MAP4K4: variants seen among roughly 807,000 people sequenced by gnomAD.
The protein encoded by MAP4K4 is mitogen-activated protein kinase kinase kinase kinase 4.
A neutral mutation model predicts 189.6 loss-of-function variants in MAP4K4; 38 were observed. That is an observed-to-expected ratio of 0.20 (90% confidence interval 0.15 to 0.26). The LOEUF (loss-of-function observed/expected upper bound fraction) is 0.26. Among genes scored for constraint, MAP4K4 ranks in the 10% least tolerant of loss-of-function variants. MAP4K4 has a pLI of 1.00. For synonymous variants in MAP4K4, 610 were observed against 624.3 expected, an observed-to-expected ratio of 0.98 and a Z score of 0.34; for missense variants, 1,054 against 1,726.9, an observed-to-expected ratio of 0.61 and a Z score of 6.91.
At chr2:101,823,900 A>C in intron 3 of MAP4K4, 28 bp from the exon 4 acceptor site, 1 of 1,572,256 alleles carries the variant, frequency 6.4e-7, no homozygotes, top group South Asian at 1.2e-5. Flanking sequence ...TTCAGTAGCC[A>C]CACATTTTAT....
chr2:101,698,389 C>A lies in MAP4K4; in HGVS notation c.58-84C>A, dbSNP rs571925522. 6.3e-6 allele frequency: 8 copies of A among 1,277,812 alleles called. No individual in the cohort carries two copies. In the South Asian group the frequency reaches 7.1e-5, roughly 11 times the overall value. 79.2% of individuals were successfully genotyped at this position (1,277,812 alleles called of 1,614,324 possible). On this transcript the variant is annotated intron_variant, in intron 1 of 32. Transcript: ENST00000324219. ...GCGAAGCCCACCTCTTTTGTCACCG[C>A]CTTTTCTCTCCAACTGCCTTGCTTG... is the stretch of plus-strand genomic sequence containing the variant.
At chr2:101,812,825 C>T (rs1317754504) in intron 3 of MAP4K4, among the ~76,000 whole-genome samples, 1 of 152,120 alleles carries the variant, frequency 6.6e-6, no homozygotes, top group African/African-American at 2.4e-5. Context: ...CTGTGTTTGC[C>T]TATTTAAATT....
intron 2 of MAP4K4, among the ~76,000 whole-genome samples, chr2:101,750,651 A>T (rs1000550563): frequency 6.6e-6 from 1 of 150,732 alleles, no homozygotes; most frequent in East Asian, 1.9e-4. Context: ...CCTAAAACTT[A>T]AAGTATATAT....
chr2:101,737,960 G>T (rs1243718160), intron 2 of MAP4K4, among the ~76,000 whole-genome samples: 2 of 152,100 alleles, frequency 1.3e-5, no homozygotes, highest in African/African-American at 4.8e-5. Flanking sequence ...GGCAGGCTCT[G>T]GAAGTATTTT....
At chr2:101,823,946 A>C in exon 4 of MAP4K4, 2 of 1,604,374 alleles carry the variant, frequency 1.2e-6, no homozygotes, top group Non-Finnish European at 1.7e-6. Context: ...GGAAGAAATC[A>C]AACTGGAGAT....
chr2:101,733,169 C>T (rs2059184249), intron 2 of MAP4K4, among the ~76,000 whole-genome samples: 1 of 152,212 alleles, frequency 6.6e-6, no homozygotes, highest in Non-Finnish European at 1.5e-5. Context: ...GGGTCTCTGT[C>T]TGAAGTAGAG....
exon 17 of MAP4K4, chr2:101,863,965 A>G (rs776847776): frequency 7.3e-7 from 1 of 1,367,744 alleles, no homozygotes; most frequent in South Asian, 1.1e-5. Context: ...TGAGGTGCTC[A>G]GTCAGAGCTC....
At chr2:101,723,958 C>T (rs1054631977) in intron 2 of MAP4K4, among the ~76,000 whole-genome samples, 1 of 152,128 alleles carries the variant, frequency 6.6e-6, no homozygotes, top group Non-Finnish European at 1.5e-5. Flanking sequence ...TTAGGAAGGT[C>T]GGCTGACATT....
At chr2:101,831,481 C>T (rs2096593689) in intron 6 of MAP4K4, among the ~76,000 whole-genome samples, 1 of 150,888 alleles carries the variant, frequency 6.6e-6, no homozygotes, top group Non-Finnish European at 1.5e-5. Context: ...GCTGGGGAGG[C>T]AGCCAGATCC....
chr2:101,844,116 G>T (rs747713973), exon 12 of MAP4K4: 1 of 1,612,016 alleles, frequency 6.2e-7, no homozygotes, highest in Non-Finnish European at 8.5e-7. Flanking sequence ...TTGTGAACGT[G>T]CCTGGTGAGT....
chr2:101,792,588 TCTCCTCCTTCTCCTCCTC>T (rs1306003860), intron 3 of MAP4K4, among the ~76,000 whole-genome samples: 1 of 117,862 alleles, frequency 8.5e-6, no homozygotes, highest in Non-Finnish European at 1.8e-5. Flanking sequence ...ACTGCCACCT[TCTCCTCCTTCTCCTCCTC>T]CTCCTCCTCC....
chr2:101,848,971 G>A (rs1442899964), intron 12 of MAP4K4, among the ~76,000 whole-genome samples: 2 of 152,162 alleles, frequency 1.3e-5, no homozygotes, highest in African/African-American at 4.8e-5. Context: ...CGTACTGAGA[G>A]TCTCAGCATT....
chr2:101,728,419 G>A (rs1415087036), intron 2 of MAP4K4, among the ~76,000 whole-genome samples: 1 of 152,200 alleles, frequency 6.6e-6, no homozygotes, highest in Non-Finnish European at 1.5e-5. Context: ...CACCTGGGAA[G>A]CTTTCCTCTC....
intron 26 of MAP4K4, 41 bp downstream of exon 26, chr2:101,874,293 C>A: frequency 6.4e-7 from 1 of 1,554,292 alleles, no homozygotes; most frequent in South Asian, 1.2e-5. Context: ...CATTTTTGTT[C>A]TGAGTGGTGG....
At chr2:101,830,608 T>G (rs909715147) in intron 6 of MAP4K4, among the ~76,000 whole-genome samples, 1 of 152,198 alleles carries the variant, frequency 6.6e-6, no homozygotes, top group Non-Finnish European at 1.5e-5. Context: ...TGGTTGTGTT[T>G]GTTGGTTTTC....
intron 2 of MAP4K4, among the ~76,000 whole-genome samples, chr2:101,719,725 AAG>A (rs894161841): frequency 6.6e-6 from 1 of 152,042 alleles, no homozygotes; most frequent in African/African-American, 2.4e-5. Flanking sequence ...AGAGTTCAAA[AAG>A]GGGGCCAGGC....
chr2:101,797,166 GTC>G, intron 3 of MAP4K4: 2 of 1,195,088 alleles, frequency 1.7e-6, no homozygotes, highest in South Asian at 2.8e-5. Flanking sequence ...TGTTGTTCTT[GTC>G]TAGACTGAAA....
rs1003300915 is a variant in MAP4K4, at chr2:101,758,802, A to G, written c.124-31918A>G. On this transcript the variant is annotated intron_variant, in intron 2 of 32. Transcript: ENST00000324219. ...CAGGTGGCACACTTTCTTGGAGTTAAAATGAAAGTGATCTCTTATGGATGT... is the reference window on the plus strand; with the variant it reads ...CAGGTGGCACACTTTCTTGGAGTTAGAATGAAAGTGATCTCTTATGGATGT... Among the ~76,000 whole-genome samples the G allele has an allele frequency of 2.0e-5, 3 of 152,188 alleles. No homozygotes were observed. In the East Asian group the frequency reaches 5.8e-4, roughly 29 times the overall value.
At chr2:101,763,505 TA>T (rs2077325216) in intron 2 of MAP4K4, among the ~76,000 whole-genome samples, 2 of 152,218 alleles carry the variant, frequency 1.3e-5, no homozygotes, top group African/African-American at 4.8e-5. Flanking sequence ...TTATAAGTTT[TA>T]AATTAATTTT....
Sources: gnomAD v4.1 joint callset for allele counts (sites outside exome capture counted in the v4.1 genomes callset) on GRCh38, gnomAD v4.1.1 for gene constraint, MANE v1.5 for transcripts, NCBI Gene and HGNC (gene_info 2026-07-23, HGNC 2026-07-21) for gene names.